Variants in RAB3GAP2 observed in about 807,000 individuals in gnomAD.
The protein encoded by RAB3GAP2 is rab3 GTPase-activating protein non-catalytic subunit.
RAB3GAP2 carries 87 observed loss-of-function variants against 185.3 expected under a neutral mutation model. The ratio of observed to expected loss-of-function variants is 0.47; its 90% CI spans 0.39 to 0.56. The LOEUF is 0.56. Ranked by LOEUF, RAB3GAP2 falls within the 20% of genes least tolerant of loss-of-function variation. The probability of loss-of-function intolerance (pLI) is 0.00; values close to 1 mark genes in which losing one functional copy is unlikely to be tolerated. For missense variants in RAB3GAP2, 1,492 were observed against 1,638.2 expected, an observed-to-expected ratio of 0.91 and a Z score of 1.54; for synonymous variants, 554 against 576.1, an observed-to-expected ratio of 0.96 and a Z score of 0.55.
At chr1:220,225,916 G>A (rs1659393799) in intron 2 of RAB3GAP2, among the ~76,000 whole-genome samples, 1 of 152,084 alleles carries the variant, frequency 6.6e-6, no homozygotes, top group South Asian at 2.1e-4. Context: ...AATGTTCTAG[G>A]AATCTCCAAT....
intron 8 of RAB3GAP2, among the ~76,000 whole-genome samples, chr1:220,203,489 T>C (rs768943343): frequency 2.0e-5 from 3 of 152,206 alleles, no homozygotes; most frequent in Non-Finnish European, 4.4e-5. Flanking sequence ...ACTCTTTTTA[T>C]AGCAACTTAC....
intron 24 of RAB3GAP2, among the ~76,000 whole-genome samples, chr1:220,168,571 G>C (rs1324891081): frequency 6.6e-6 from 1 of 151,324 alleles, no homozygotes; most frequent in Non-Finnish European, 1.5e-5. Flanking sequence ...CTAAATTTTT[G>C]TATTTAGTAG....
intron 28 of RAB3GAP2, 83 bp from the exon 29 acceptor site, chr1:220,159,504 C>T (rs915847415): frequency 3.8e-5 from 41 of 1,083,768 alleles, no homozygotes; most frequent in Non-Finnish European, 4.9e-5. Flanking sequence ...AAAAAGTAAC[C>T]GAATTTAAAA....
intron 2 of RAB3GAP2, among the ~76,000 whole-genome samples, chr1:220,218,051 G>A (rs1332810016): frequency 6.6e-6 from 1 of 152,160 alleles, no homozygotes; most frequent in Non-Finnish European, 1.5e-5. Context: ...TCAGAAAAAT[G>A]ATTCCATAAT....
chr1:220,227,758 T>C (rs564769390), intron 2 of RAB3GAP2, among the ~76,000 whole-genome samples: 9 of 152,312 alleles, frequency 5.9e-5, no homozygotes, highest in Non-Finnish European at 4.4e-5. Flanking sequence ...TGTTTGTTTG[T>C]CTGTTTGTTT....
rs1440604860 is a variant in RAB3GAP2, at chr1:220,151,698, G to C, written c.3934C>G (p.Leu1312Val). ...TGGGTGTGGAGAAGCGCATGAGCCA[G>C]CCTTTGCCCCGTGAGCACCAGCAGC... The part of the protein sequence containing the change: ...SQLLVLTGQR[L>V]AHALLHTQTK... The change falls in exon 34 of 35, where the codon CTG (leucine) becomes GTG (valine). Residue 1312 changes from leucine (L) to valine (V), a missense_variant. Physicochemically the swap from Leu to Val is conservative, Grantham distance 32. Transcript: ENST00000358951. 1 of 1,611,808 alleles carries C rather than the reference G, an allele frequency of 6.2e-7. No individual in the cohort carries two copies. Among genetic ancestry groups the C allele is most frequent in the Non-Finnish European group, 8.5e-7 (1 of 1,177,910 alleles).
At position 220,177,523 on chromosome 1, in the gene RAB3GAP2, GA is replaced by G. The variant is rs1658316274; in HGVS notation, c.2310+4733del. ...GGAGATGTGTGATCTCTCAGACAAAGAATTCAAAATGGAAGCTCAACAAACT... is the reference window on the plus strand; with the variant it reads ...GGAGATGTGTGATCTCTCAGACAAAGATTCAAAATGGAAGCTCAACAAACT... On this transcript the variant is annotated intron_variant, in intron 21 of 34. Transcript: ENST00000358951. Among the ~76,000 whole-genome samples, 3 of 152,014 alleles carry G rather than the reference GA, an allele frequency of 2.0e-5. No individual in the cohort carries two copies. In the South Asian group the frequency reaches 6.2e-4, roughly 31 times the overall value.
At chr1:220,250,134 CAG>C (rs1297291927) in intron 1 of RAB3GAP2, among the ~76,000 whole-genome samples, 1 of 152,128 alleles carries the variant, frequency 6.6e-6, no homozygotes, top group Non-Finnish European at 1.5e-5. Flanking sequence ...GGAAAAGCCA[CAG>C]ACACTCAACA....
chr1:220,167,498 T>C lies in RAB3GAP2; in HGVS notation c.2980+4A>G, dbSNP rs774495319. 2 of 1,614,152 alleles carry C rather than the reference T, an allele frequency of 1.2e-6. No homozygotes were observed. Among genetic ancestry groups the C allele is most frequent in the Non-Finnish European group, 1.7e-6 (2 of 1,180,000 alleles). ...TTTCATATTTCTCATTATTTGTGTA[T>C]CACCTGGTATGGCTCCTAAGTCCAT... On this transcript the variant is annotated splice_donor_region_variant and intron_variant, in intron 25 of 34. Transcript: ENST00000358951.
intron 17 of RAB3GAP2, among the ~76,000 whole-genome samples, chr1:220,188,415 G>A (rs1658544956): frequency 6.6e-6 from 1 of 152,200 alleles, no homozygotes; most frequent in African/African-American, 2.4e-5. Flanking sequence ...GAAGCATTAT[G>A]TAAGAATTTG....
At chr1:220,218,801 C>T (rs1659247980) in intron 2 of RAB3GAP2, among the ~76,000 whole-genome samples, 1 of 151,862 alleles carries the variant, frequency 6.6e-6, no homozygotes, top group Non-Finnish European at 1.5e-5. Flanking sequence ...GCTCTTAATA[C>T]AAGCTCCACA....
At chr1:220,180,384 T>G (rs983649801) in intron 21 of RAB3GAP2, among the ~76,000 whole-genome samples, 5 of 151,542 alleles carry the variant, frequency 3.3e-5, no homozygotes, top group Non-Finnish European at 7.4e-5. Flanking sequence ...ATAAACAAAA[T>G]CAACAAACCT....
At chr1:220,164,822 C>T (rs1354267900) in intron 26 of RAB3GAP2, 23 bp from the exon 27 acceptor site, 25 of 1,594,168 alleles carry the variant, frequency 1.6e-5, no homozygotes, top group South Asian at 3.4e-5. Context: ...GAGAAAAAAA[C>T]GAGAAAGAAA....
intron 2 of RAB3GAP2, among the ~76,000 whole-genome samples, chr1:220,221,363 G>A (rs1335177027): frequency 6.6e-6 from 1 of 152,122 alleles, no homozygotes; most frequent in African/African-American, 2.4e-5. Flanking sequence ...AGTATTAAAA[G>A]CAACCAAATT....
At chr1:220,226,314 T>C (rs1659401646) in intron 2 of RAB3GAP2, among the ~76,000 whole-genome samples, 1 of 152,188 alleles carries the variant, frequency 6.6e-6, no homozygotes, top group African/African-American at 2.4e-5. Flanking sequence ...TTCAAGCTTC[T>C]TCCCAAACTG....
chr1:220,257,404 AAAAG>A (rs931143525), intron 1 of RAB3GAP2, among the ~76,000 whole-genome samples: 4 of 152,072 alleles, frequency 2.6e-5, no homozygotes, highest in African/African-American at 7.2e-5. Context: ...AAAAAAAACA[AAAAG>A]AAAGAAAGAA....
intron 19 of RAB3GAP2, among the ~76,000 whole-genome samples, chr1:220,183,558 C>T (rs938552921): frequency 6.6e-6 from 1 of 151,850 alleles, no homozygotes; most frequent in South Asian, 2.1e-4. Flanking sequence ...TTGGCAAATG[C>T]TAGAATTTTA....
intron 21 of RAB3GAP2, among the ~76,000 whole-genome samples, chr1:220,174,154 C>A (rs1658235392): frequency 1.3e-5 from 2 of 151,468 alleles, no homozygotes; most frequent in African/African-American, 4.9e-5. Flanking sequence ...TGCGTATTTT[C>A]TCTTCTCCCC....
Position 220,191,118 on chromosome 1 carries a change from G to A in RAB3GAP2, c.1437C>T (p.Ser479=). The change falls in exon 14 of 35, where the codon AGC becomes AGT. Residue 479 remains serine (S), a synonymous_variant. Coordinates refer to ENST00000358951, the MANE Select transcript of RAB3GAP2 (RefSeq NM_012414.4). ...APRRGILEVW[S]TQQGPRVGAF... is the part of the protein sequence containing the mutation. Reference sequence around the variant, plus strand: ...CTCCTACTCTAGGTCCCTGCTGTGTGCTCCACACTTCTAAAATTCCCCTTC... The same window carrying A: ...CTCCTACTCTAGGTCCCTGCTGTGTACTCCACACTTCTAAAATTCCCCTTC... 6.2e-7 allele frequency: 1 copy of A among 1,614,026 alleles called. No homozygotes were observed. Among genetic ancestry groups the A allele is most frequent in the South Asian group, 1.1e-5 (1 of 91,076 alleles).
Sources: gnomAD v4.1 joint callset for allele counts (sites outside exome capture counted in the v4.1 genomes callset) on GRCh38, gnomAD v4.1.1 for gene constraint, MANE v1.5 for transcripts, NCBI Gene and HGNC (gene_info 2026-07-23, HGNC 2026-07-21) for gene names.